PCDH15: variants seen among roughly 807,000 people sequenced by gnomAD.
The protein encoded by PCDH15 is protocadherin related 15.
PCDH15 carries 129 observed loss-of-function variants against 178.5 expected under a neutral mutation model. That is an observed-to-expected ratio of 0.72 (90% confidence interval 0.63 to 0.84). The LOEUF (loss-of-function observed/expected upper bound fraction) is 0.84, where lower values mean the gene tolerates loss of function less well. PCDH15 is among the 40% of genes least tolerant of loss of function. PCDH15 has a pLI of 0.00. For missense variants in PCDH15, 2,230 were observed against 2,099.9 expected, an observed-to-expected ratio of 1.06 and a Z score of -1.21; for synonymous variants, 800 against 732.0, an observed-to-expected ratio of 1.09 and a Z score of -1.50.
At chr10:54,511,701 A>G (rs556712495) in intron 3 of PCDH15, among the ~76,000 whole-genome samples, 2 of 152,296 alleles carry the variant, frequency 1.3e-5, no homozygotes, top group Non-Finnish European at 2.9e-5. Context: ...ACACATATCT[A>G]GTCTAACTTT....
intron 2 of PCDH15, among the ~76,000 whole-genome samples, chr10:55,607,805 A>T (rs1339405378): frequency 6.7e-6 from 1 of 148,242 alleles, no homozygotes; most frequent in African/African-American, 2.5e-5. Flanking sequence ...GCTAGATGAC[A>T]AGTTAGTGGG....
chr10:54,004,952 A>T (rs559099166), intron 20 of PCDH15, among the ~76,000 whole-genome samples: 26 of 10,500 alleles, frequency 2.5e-3, no homozygotes, highest in South Asian at 0.023. Flanking sequence ...GTACTGGCAT[A>T]AAAAAAAAAA....
At chr10:54,332,637 C>T (rs1940077734) in intron 6 of PCDH15, among the ~76,000 whole-genome samples, 1 of 150,788 alleles carries the variant, frequency 6.6e-6, no homozygotes, top group African/African-American at 2.4e-5. Context: ...TTATTTTTTC[C>T]AAAAAACACT....
intron 2 of PCDH15, among the ~76,000 whole-genome samples, chr10:55,015,168 G>A (rs956171080): frequency 6.6e-6 from 1 of 152,048 alleles, no homozygotes; most frequent in Non-Finnish European, 1.5e-5. Context: ...GGCTGAGGTT[G>A]CAGTGAGCCA....
chr10:54,346,620 T>C, intron 5 of PCDH15, 136 bp from the exon 6 acceptor site: 1 of 984,388 alleles, frequency 1.0e-6, no homozygotes, highest in South Asian at 1.4e-5. Context: ...AACTGAAGTG[T>C]TTCAAAAGAA....
intron 2 of PCDH15, among the ~76,000 whole-genome samples, chr10:55,074,729 A>C (rs1355684452): frequency 2.0e-5 from 3 of 151,950 alleles, no homozygotes; most frequent in African/African-American, 7.3e-5. Context: ...ATTAGATCAC[A>C]TTTGTCTATT....
chr10:53,994,460 A>C (rs1283756145), intron 21 of PCDH15: 2 of 152,180 alleles, frequency 1.3e-5, no homozygotes, highest in Non-Finnish European at 2.9e-5. Context: ...TGGTTGCCAC[A>C]ATGACCAGTA....
chr10:54,317,995 C>T (rs2061383798), intron 7 of PCDH15, among the ~76,000 whole-genome samples: 1 of 152,128 alleles, frequency 6.6e-6, no homozygotes, highest in Non-Finnish European at 1.5e-5. Context: ...TACTAGACAG[C>T]CTAACCATAA....
At chr10:54,197,340 T>C (rs61860683) in intron 10 of PCDH15, among the ~76,000 whole-genome samples, 10,940 of 152,064 alleles carry the variant, frequency 0.072, 433 homozygotes, top group Admixed American at 0.11. Flanking sequence ...TATTTTATTA[T>C]ATGTGTATTG....
intron 8 of PCDH15, among the ~76,000 whole-genome samples, chr10:54,306,564 C>T (rs1010472752): frequency 1.3e-5 from 2 of 151,944 alleles, no homozygotes; most frequent in African/African-American, 2.4e-5. Context: ...ATGCAGCCAA[C>T]CGATATCATA....
At chr10:54,654,003 ATTC>A (rs1183416586) in intron 2 of PCDH15, among the ~76,000 whole-genome samples, 1 of 152,198 alleles carries the variant, frequency 6.6e-6, no homozygotes, top group South Asian at 2.1e-4. Flanking sequence ...TTCAGAATCT[ATTC>A]TTTTAGTAAT....
Position 54,511,061 on chromosome 10 carries a change from G to A in PCDH15, c.157+16751C>T, listed in dbSNP as rs115605402. ...CCTTGGAAAGAAGCATGATTTTACC[G>A]TTACCTTTATTTGGAATGTAAACGT... On this transcript the variant is annotated intron_variant, in intron 3 of 37. Transcript: ENST00000644397. Among the ~76,000 whole-genome samples, 185 of 152,210 alleles carry A rather than the reference G, an allele frequency of 1.2e-3. 1 individual carries two copies. Among genetic ancestry groups the A allele is most frequent in the African/African-American group, 3.6e-3 (151 of 41,554 alleles).
At chr10:54,215,850 C>A (rs1303087917) in intron 9 of PCDH15, among the ~76,000 whole-genome samples, 5 of 150,648 alleles carry the variant, frequency 3.3e-5, no homozygotes, top group Non-Finnish European at 7.4e-5. Context: ...GACCATCTTG[C>A]CTGACACAGT....
chr10:54,084,853 T>G (rs1359293854), intron 16 of PCDH15, among the ~76,000 whole-genome samples: 1 of 152,192 alleles, frequency 6.6e-6, no homozygotes. Context: ...TGTCTGAGCC[T>G]TTGACAGATT....
intron 1 of PCDH15, among the ~76,000 whole-genome samples, chr10:54,693,708 T>C (rs993707688): frequency 2.6e-4 from 40 of 152,102 alleles, no homozygotes; most frequent in Admixed American, 1.3e-4. Flanking sequence ...TCTCTAAGTA[T>C]AGGTTTGAGT....
chr10:54,123,230 G>A (rs1404349841), intron 15 of PCDH15, among the ~76,000 whole-genome samples: 1 of 152,084 alleles, frequency 6.6e-6, no homozygotes, highest in Non-Finnish European at 1.5e-5. Flanking sequence ...AGAGTGAACA[G>A]ATAACCTACA....
intron 2 of PCDH15, among the ~76,000 whole-genome samples, chr10:55,083,447 G>A (rs145287326): frequency 0.035 from 5,335 of 151,906 alleles, 145 homozygotes; most frequent in Non-Finnish European, 0.055. Context: ...CTCACAGGTA[G>A]CATCATACTG....
At chr10:53,911,925 A>T (rs1464124339) in intron 25 of PCDH15, among the ~76,000 whole-genome samples, 1 of 152,210 alleles carries the variant, frequency 6.6e-6, no homozygotes, top group Non-Finnish European at 1.5e-5. Flanking sequence ...AAAAAGAGGG[A>T]ATCCTCCCTA....
chr10:53,974,183 T>G (rs1185335949), intron 21 of PCDH15, among the ~76,000 whole-genome samples: 1 of 151,936 alleles, frequency 6.6e-6, no homozygotes, highest in African/African-American at 2.4e-5. Flanking sequence ...CCTGGATAAT[T>G]TTTGCATTTT....
Sources: allele counts gnomAD v4.1 joint callset (sites outside exome capture counted in the v4.1 genomes callset), GRCh38; gene constraint gnomAD v4.1.1; transcripts MANE v1.5; gene names NCBI Gene and HGNC (gene_info 2026-07-23, HGNC 2026-07-21).